NBEAL2: variants seen among roughly 807,000 people sequenced by gnomAD.
The protein encoded by NBEAL2 is neurobeachin like 2, also known as neurobeachin-like protein 2.
A neutral mutation model predicts 299.8 loss-of-function variants in NBEAL2; 160 were observed. The ratio of observed to expected loss-of-function variants is 0.53; its 90% confidence interval spans 0.47 to 0.61. The LOEUF (loss-of-function observed/expected upper bound fraction) is 0.61, where lower values mean the gene tolerates loss of function less well. NBEAL2 is among the 20% of genes least tolerant of loss of function. The pLI, the probability that NBEAL2 is intolerant of heterozygous loss-of-function variation, is 0.00. For synonymous variants in NBEAL2, 1,493 were observed against 1,542.3 expected (o/e 0.97, Z 0.75); for missense variants, 3,112 against 3,649.0 (o/e 0.85, Z 3.79).
chr3:47,008,921 A>G, intron 52 of NBEAL2, 68 bp from the exon 53 acceptor site: 2 of 1,582,114 alleles, frequency 1.3e-6, no homozygotes, highest in Middle Eastern at 3.3e-4. Context: ...ATATGGGATA[A>G]GGGATATCTG....
Position 47,002,169 on chromosome 3 carries a change from C to G in NBEAL2, c.5032C>G (p.Pro1678Ala). The change falls in exon 31 of 54, where the codon CCG becomes GCG. Residue 1678 changes from proline (P) to alanine (A), a missense_variant. Pro to Ala is a conservative substitution (Grantham distance 27). This residue lies in a region of NBEAL2 where 2,243 missense variants were observed against 2,538.1 expected (regional missense o/e 0.88). Transcript: ENST00000450053. ...CACGCTGCTAGACCGTGCCTATGAG[C>G]CGCTGGGGCTGCAGTGGGGACTGCC... is the stretch of plus-strand genomic sequence containing the variant. ...VRTLLDRAYE[P>A]LGLQWGLPSL... 1 of 1,532,836 alleles carries G rather than the reference C, an allele frequency of 6.5e-7. No homozygotes were observed. Among genetic ancestry groups the G allele is most frequent in the South Asian group, 1.2e-5 (1 of 83,186 alleles). 95.0% of individuals were successfully genotyped at this position (1,532,836 alleles called of 1,614,324 possible). A position where few individuals can be genotyped will look rare whatever the true frequency, so the allele number is the denominator to read the frequency against.
At chr3:47,008,800 C>G in intron 52 of NBEAL2, 132 bp downstream of exon 52, 1 of 1,462,642 alleles carries the variant, frequency 6.8e-7, no homozygotes, top group East Asian at 2.4e-5. Context: ...GTCCCTTCAT[C>G]TTCCCATGGG....
rs570961835 is a variant in NBEAL2 at position 46,997,133 on chromosome 3, G to C, written c.2649+87G>C. The C allele has an allele frequency of 3.9e-6, 6 of 1,554,104 alleles. No homozygotes were observed. In the East Asian group the frequency reaches 1.4e-4, roughly 35 times the overall value. The stretch of plus-strand genomic sequence containing the variant: ...GGAGTCAGCTGGGGAGCAGCGCTGT[G>C]CCTGGGGAGGATTTGGACAGTCCAG... On this transcript the variant is annotated intron_variant, in intron 18 of 53. Coordinates refer to ENST00000450053, the MANE Select transcript of NBEAL2 (RefSeq NM_015175.3).
At chr3:46,994,118 C>T in intron 11 of NBEAL2, 98 bp downstream of exon 11, 1 of 1,272,434 alleles carries the variant, frequency 7.9e-7, no homozygotes, top group Non-Finnish European at 1.1e-6. Flanking sequence ...AAGCATCCTG[C>T]TCCCTGGAGC....
chr3:46,983,817 A>T (rs1234098387), intron 1 of NBEAL2, among the ~76,000 whole-genome samples: 1 of 151,972 alleles, frequency 6.6e-6, no homozygotes, highest in Non-Finnish European at 1.5e-5. Flanking sequence ...TGGGGAGCTG[A>T]TGGGGAAGTG....
At chr3:46,994,058 G>A in intron 11 of NBEAL2, 38 bp downstream of exon 11, 1 of 1,565,340 alleles carries the variant, frequency 6.4e-7, no homozygotes, top group Non-Finnish European at 8.7e-7. Context: ...AGGGGTGCGG[G>A]GTGGAGTTCA....
At position 46,994,501 on chromosome 3, in the gene NBEAL2, T is replaced by C; in HGVS notation, c.1244T>C (p.Leu415Pro). The change falls in exon 12 of 54, where the codon CTG becomes CCG. Residue 415 changes from leucine (L) to proline (P), a missense_variant. By Grantham distance (98) the Leu-to-Pro change is moderately conservative. Transcript: ENST00000450053. The stretch of plus-strand genomic sequence containing the variant: ...GGCTACCCTCACCTGCAGGAGGTTC[T>C]GCAGAGCCATGGTCCCCCCACCCAT... ...RIGYPHLQEVLQSHGPPTHRL... is the reference protein window; with the variant it reads ...RIGYPHLQEVPQSHGPPTHRL... 6.3e-7 allele frequency: 1 copy of C among 1,596,052 alleles called. No homozygotes were observed. Among genetic ancestry groups the C allele is most frequent in the Admixed American group, 1.7e-5 (1 of 58,816 alleles).
chr3:46,987,969 G>A (rs1045508301), intron 1 of NBEAL2: 9 of 1,272,592 alleles, frequency 7.1e-6, no homozygotes, highest in South Asian at 2.5e-5. Context: ...GCCCCGGGGC[G>A]GGAGGAGACA....
Position 47,004,944 on chromosome 3 carries a change from TG to T in NBEAL2, c.6295-27del. The T allele has an allele frequency of 6.3e-7, 1 of 1,589,326 alleles. No individual in the cohort carries two copies. Among genetic ancestry groups the T allele is most frequent in the Non-Finnish European group, 8.6e-7 (1 of 1,168,302 alleles). On this transcript the variant is annotated intron_variant, in intron 38 of 53. Transcript: ENST00000450053. The surrounding 1 kb of genome is among the most constrained non-coding windows in gnomAD (Gnocchi z 5.0). Reference sequence around the variant, plus strand: ...GGCTGGTAGGCCATCAGGGCCCTCATGCAGCCCCTGCTCGGGTGGGTGGCCA... The same window carrying T: ...GGCTGGTAGGCCATCAGGGCCCTCATCAGCCCCTGCTCGGGTGGGTGGCCA...
In NBEAL2 at chr3:47,003,037, A is replaced by G. The variant is rs1332254891; in HGVS notation, c.5540A>G (p.His1847Arg). Residue 1847 changes from histidine (H) to arginine (R), a missense_variant, in exon 34 of 54, where the codon CAC (histidine) becomes CGC (arginine). By Grantham distance (29) the His-to-Arg change is conservative. Coordinates refer to ENST00000450053, the MANE Select transcript of NBEAL2 (RefSeq NM_015175.3). This position sits in a 1 kb window ranked among gnomAD's most constrained non-coding sequence, Gnocchi z 7.0. ...RMRLKLVPNHHFDPHLEASAL... is the reference protein window; with the variant it reads ...RMRLKLVPNHRFDPHLEASAL... ...CGTCTGAAGCTGGTGCCCAACCATC[A>G]CTTCGACCCTCACCTGGAAGCCAGC... 2.5e-6 allele frequency: 4 copies of G among 1,613,026 alleles called. No individual in the cohort carries two copies. The highest frequency in any genetic ancestry group is 1.7e-5 in the Admixed American group (1 of 59,924).
In NBEAL2 at chr3:47,004,902, G is replaced by A. The variant is rs2037308935; in HGVS notation, c.6295-70G>A. On this transcript the variant is annotated intron_variant, in intron 38 of 53. Coordinates refer to ENST00000450053, the MANE Select transcript of NBEAL2 (RefSeq NM_015175.3). This position sits in a 1 kb window ranked among gnomAD's most constrained non-coding sequence, Gnocchi z 5.0. ...GCTCTGTGCCCGCCTTCTTGAGGGTGTGGGCAGGGCAGGGTGGGCTGGTAG... is the reference window on the plus strand; with the variant it reads ...GCTCTGTGCCCGCCTTCTTGAGGGTATGGGCAGGGCAGGGTGGGCTGGTAG... 1 of 1,553,288 alleles carries A rather than the reference G, an allele frequency of 6.4e-7. No individual in the cohort carries two copies. The highest frequency in any genetic ancestry group is 8.7e-7 in the Non-Finnish European group (1 of 1,148,502).
rs560061615 is a variant in NBEAL2, at chr3:46,996,936, C to G, written c.2557-18C>G. The G allele has an allele frequency of 4.3e-6, 7 of 1,612,522 alleles. No homozygotes were observed. Among genetic ancestry groups the G allele is most frequent in the Non-Finnish European group, 5.9e-6 (7 of 1,179,282 alleles). ...CCTCCCTCTGACCCTGGCTGCCTGC[C>G]CATTCCCCTATCCCTAGGCTTGTAA... is the stretch of plus-strand genomic sequence containing the variant. On this transcript the variant is annotated intron_variant, in intron 17 of 53. Coordinates refer to ENST00000450053, the MANE Select transcript of NBEAL2 (RefSeq NM_015175.3).
rs374999762 is a variant in NBEAL2 at position 47,005,028 on chromosome 3, C to T, written c.6351C>T (p.Ala2117=). 1.6e-4 allele frequency: 259 copies of T among 1,612,692 alleles called. 1 individual carries two copies. The highest frequency in any genetic ancestry group is 3.2e-4 in the Admixed American group (19 of 59,840). ...CAACCCTGGACCTCAGCAACCCAGC[C>T]GTCTTCCGGGACCTGTCTAAGCCCA... is the stretch of plus-strand genomic sequence containing the variant. ...VSPTLDLSNP[A]VFRDLSKPIG... Residue 2117 remains alanine, a synonymous_variant, in exon 39 of 54, where the codon GCC becomes GCT. Coordinates refer to ENST00000450053, the MANE Select transcript of NBEAL2 (RefSeq NM_015175.3).
intron 52 of NBEAL2, 30 bp from the exon 53 acceptor site, chr3:47,008,959 A>T: frequency 1.3e-6 from 2 of 1,598,382 alleles, no homozygotes; most frequent in Non-Finnish European, 1.7e-6. Context: ...TTGCAGTCGC[A>T]AGTTGGTGTA....
In NBEAL2 at chr3:47,007,843, C is replaced by G. The variant is rs768886178; in HGVS notation, c.7535C>G (p.Thr2512Ser). ...GTAGTAACCTGCCTTGCACTGGACA[C>G]CTGTGGCATCTACCTCATCTCAGGC... ...LDVVTCLALD[T>S]CGIYLISGSR... The change falls in exon 49 of 54, where the codon ACC becomes AGC. Residue 2512 changes from threonine (T) to serine (S), a missense_variant. Physicochemically the swap from Thr to Ser is moderately conservative, Grantham distance 58. Around this residue, in one of 3 missense-constraint regions of NBEAL2, gnomAD observed 348 missense variants for 381.4 expected, o/e 0.91. Transcript: ENST00000450053. The G allele has an allele frequency of 1.9e-6, 3 of 1,613,528 alleles. No homozygotes were observed. The highest frequency in any genetic ancestry group is 2.5e-6 in the Non-Finnish European group (3 of 1,179,792).
rs1246793706 is a variant in NBEAL2 at position 47,005,855 on chromosome 3, A to G, written c.6801+8A>G. The stretch of plus-strand genomic sequence containing the variant: ...CAGCACCGCCAGGCTCTGGTGAGGA[A>G]GGAACCACAGGCAAACGGCAGGCAG... On this transcript the variant is annotated splice_region_variant and intron_variant, in intron 42 of 53. Transcript: ENST00000450053. 1 of 1,613,080 alleles carries G rather than the reference A, an allele frequency of 6.2e-7. No homozygotes were observed. The highest frequency in any genetic ancestry group is 8.5e-7 in the Non-Finnish European group (1 of 1,179,642).
chr3:46,987,983 C>T, intron 1 of NBEAL2: 1 of 1,276,286 alleles, frequency 7.8e-7, no homozygotes, highest in South Asian at 1.2e-5. Context: ...GGAGACATTT[C>T]CCGTTCACAC....
rs188496328 is a variant in NBEAL2, at chr3:46,991,196, C to T, written c.557-23C>T. On this transcript the variant is annotated intron_variant, in intron 6 of 53. Transcript: ENST00000450053. The surrounding 1 kb of genome is among the most constrained non-coding windows in gnomAD (Gnocchi z 6.2). ...AGCCCTGCAACCTTGGTGACATTAC[C>T]CTGCCCACACCCCCCTACCCAGAGA... The T allele has an allele frequency of 1.3e-6, 2 of 1,582,676 alleles. No individual in the cohort carries two copies. The highest frequency in any genetic ancestry group is 2.7e-5 in the African/African-American group (2 of 74,170).
chr3:46,994,509 CA>C lies in NBEAL2; in HGVS notation c.1253del (p.His418LeufsTer54). 6.3e-7 allele frequency: 1 copy of C among 1,595,394 alleles called. No homozygotes were observed. The highest frequency in any genetic ancestry group is 8.5e-7 in the Non-Finnish European group (1 of 1,169,700). On this transcript the variant is annotated frameshift_variant, in exon 12 of 54. Transcript: ENST00000450053. LOFTEE classifies it high-confidence loss of function. ...TCACCTGCAGGAGGTTCTGCAGAGC[CA>C]TGGTCCCCCCACCCATCGGCTGTTG... Reference protein sequence around the residue: ...YPHLQEVLQSHGPPTHRLLQE... With the variant: ...YPHLQEVLQSXGPPTHRLLQE...
Sources: allele counts gnomAD v4.1 joint callset (sites outside exome capture counted in the v4.1 genomes callset), GRCh38; gene constraint gnomAD v4.1.1; regional missense constraint gnomAD v4.1.1; non-coding constraint Gnocchi (gnomAD v3.1); transcripts MANE v1.5; gene names NCBI Gene and HGNC (gene_info 2026-07-23, HGNC 2026-07-21).